Variants in LRCH1 observed in about 807,000 individuals in gnomAD.
LRCH1 encodes the protein leucine-rich repeat and calponin homology domain-containing protein 1.
A neutral mutation model predicts 94.9 loss-of-function variants in LRCH1; 23 were observed. That is an observed-to-expected ratio of 0.24 (90% CI 0.17 to 0.34). The LOEUF (loss-of-function observed/expected upper bound fraction) is 0.34, where lower values mean the gene tolerates loss of function less well. LRCH1 is among the 10% of genes least tolerant of loss of function. The probability of loss-of-function intolerance (pLI) is 1.00; values close to 1 mark genes in which losing one functional copy is unlikely to be tolerated. For missense variants in LRCH1, 790 were observed against 945.9 expected (o/e 0.84, Z 2.16); for synonymous variants, 364 against 354.9 (o/e 1.03, Z -0.29).
Position 46,712,561 on chromosome 13 carries a change from A to G in LRCH1, c.1618A>G (p.Asn540Asp). ...CTCCCCTGCAGTCTCTCCTACCACA[A>G]ACAGCACAGCTCCATTTGGCCTGAA... Reference protein sequence around the residue: ...ENSPAVSPTTNSTAPFGLKPR... With the variant: ...ENSPAVSPTTDSTAPFGLKPR... Residue 540 changes from asparagine to aspartate, a missense_variant, in exon 15 of 20, where the codon AAC becomes GAC. Around this residue, in one of 3 missense-constraint regions of LRCH1, gnomAD observed 460 missense variants for 508.9 expected, o/e 0.90. Transcript: ENST00000389797. 1 of 1,613,948 alleles carries G rather than the reference A, an allele frequency of 6.2e-7. No homozygotes were observed. The highest frequency in any genetic ancestry group is 8.5e-7 in the Non-Finnish European group (1 of 1,179,862).
chr13:46,590,511 T>C (rs1001548384), intron 1 of LRCH1, among the ~76,000 whole-genome samples: 1 of 152,108 alleles, frequency 6.6e-6, no homozygotes, highest in Non-Finnish European at 1.5e-5. Context: ...TTTAAAACTC[T>C]CTTCTTGGCC....
chr13:46,738,918 A>G (rs1873521055), intron 19 of LRCH1, among the ~76,000 whole-genome samples: 1 of 152,208 alleles, frequency 6.6e-6, no homozygotes, highest in South Asian at 2.1e-4. Flanking sequence ...AAGACTGGAA[A>G]TCCTTCCCCA....
chr13:46,752,186 C>G (rs1874168711), exon 19 of LRCH1: 1 of 152,314 alleles, frequency 6.6e-6, no homozygotes, highest in Admixed American at 6.5e-5. Flanking sequence ...CAGTTCCATG[C>G]ATGTGCACTC....
chr13:46,650,604 TTGTC>T (rs1421217648), intron 2 of LRCH1, among the ~76,000 whole-genome samples: 1 of 151,868 alleles, frequency 6.6e-6, no homozygotes, highest in Non-Finnish European at 1.5e-5. Flanking sequence ...TTTATTCTCT[TTGTC>T]TAATTGGCAT....
intron 1 of LRCH1, among the ~76,000 whole-genome samples, chr13:46,567,491 T>TG (rs1456163578): frequency 4.1e-5 from 6 of 148,088 alleles, no homozygotes; most frequent in African/African-American, 1.6e-4. Flanking sequence ...TTAAGGCAAT[T>TG]TTGTGTGTGT....
intron 1 of LRCH1, among the ~76,000 whole-genome samples, chr13:46,613,615 A>C (rs1594286193): frequency 6.6e-6 from 1 of 151,988 alleles, no homozygotes; most frequent in Non-Finnish European, 1.5e-5. Context: ...CATTAGAATC[A>C]CCCTGGGAGC....
chr13:46,682,449 C>A (rs1011242679), intron 4 of LRCH1, among the ~76,000 whole-genome samples: 3 of 152,050 alleles, frequency 2.0e-5, no homozygotes, highest in Non-Finnish European at 4.4e-5. Flanking sequence ...GTTAGGACTT[C>A]AATATATGAA....
At chr13:46,627,641 C>T (rs1419001506) in intron 1 of LRCH1, among the ~76,000 whole-genome samples, 4 of 152,130 alleles carry the variant, frequency 2.6e-5, no homozygotes, top group East Asian at 3.9e-4. Context: ...CATGCACACA[C>T]GTATGGCAAA....
chr13:46,637,842 C>T (rs538453357), intron 1 of LRCH1, among the ~76,000 whole-genome samples: 13 of 152,330 alleles, frequency 8.5e-5, no homozygotes, highest in Admixed American at 6.5e-4. Flanking sequence ...TCCTTGCCAG[C>T]GTTCGCTGGA....
At chr13:46,699,572 TGTC>T (rs1555284868) in intron 10 of LRCH1, among the ~76,000 whole-genome samples, 169 bp downstream of exon 10, 1 of 152,218 alleles carries the variant, frequency 6.6e-6, no homozygotes, top group Non-Finnish European at 1.5e-5. Context: ...TGATGCTTTT[TGTC>T]GTGGTATTGG....
intron 1 of LRCH1, among the ~76,000 whole-genome samples, chr13:46,619,376 C>G (rs1488828947): frequency 6.6e-6 from 1 of 152,202 alleles, no homozygotes; most frequent in East Asian, 1.9e-4. Context: ...TCCCAAAGTG[C>G]TGGGACTACA....
intron 2 of LRCH1, among the ~76,000 whole-genome samples, chr13:46,661,558 G>A (rs1188211814): frequency 2.0e-5 from 3 of 152,054 alleles, no homozygotes; most frequent in Non-Finnish European, 4.4e-5. Flanking sequence ...AAAATTTTTG[G>A]CAAAACTTTA....
chr13:46,709,523 C>G (rs891836176), intron 13 of LRCH1, among the ~76,000 whole-genome samples: 1 of 152,194 alleles, frequency 6.6e-6, no homozygotes, highest in Non-Finnish European at 1.5e-5. Flanking sequence ...CAGGTCCAAC[C>G]TTCCTTAGCA....
At chr13:46,680,525 T>A (rs1270895190) in intron 3 of LRCH1, among the ~76,000 whole-genome samples, 2 of 152,172 alleles carry the variant, frequency 1.3e-5, no homozygotes, top group East Asian at 3.8e-4. Context: ...CGAAAGAGGT[T>A]GAGGCTTGAA....
intron 1 of LRCH1, among the ~76,000 whole-genome samples, chr13:46,636,982 G>A (rs1406777369): frequency 6.6e-6 from 1 of 152,126 alleles, no homozygotes; most frequent in Non-Finnish European, 1.5e-5. Context: ...AGGCCCAGCT[G>A]TGAACACTTC....
chr13:46,566,442 G>C (rs549146284), intron 1 of LRCH1, among the ~76,000 whole-genome samples: 1 of 152,278 alleles, frequency 6.6e-6, no homozygotes, highest in South Asian at 2.1e-4. Flanking sequence ...ACTCGGAAGG[G>C]GGAATAATGT....
intron 1 of LRCH1, among the ~76,000 whole-genome samples, chr13:46,610,707 T>C (rs891938163): frequency 3.3e-5 from 5 of 152,240 alleles, no homozygotes; most frequent in Admixed American, 2.0e-4. Context: ...TATATGTATA[T>C]ATCACAACTT....
At chr13:46,566,145 A>C (rs2050181685) in intron 1 of LRCH1, among the ~76,000 whole-genome samples, 1 of 152,150 alleles carries the variant, frequency 6.6e-6, no homozygotes, top group African/African-American at 2.4e-5. Flanking sequence ...AAACAAATAA[A>C]AAACCATTGA....
intron 7 of LRCH1, among the ~76,000 whole-genome samples, chr13:46,691,408 A>G (rs9595513): frequency 0.016 from 2,508 of 152,332 alleles, 59 homozygotes; most frequent in East Asian, 0.072. Flanking sequence ...ATTTTTATAT[A>G]TGTGATGCAG....
Sources: gnomAD v4.1 joint callset for allele counts (sites outside exome capture counted in the v4.1 genomes callset) on GRCh38, gnomAD v4.1.1 for gene constraint, gnomAD v4.1.1 regional missense constraint, MANE v1.5 for transcripts, NCBI Gene and HGNC (gene_info 2026-07-23, HGNC 2026-07-21) for gene names.